The following ACTN2 variants were observed in gnomAD, a reference collection of about 807,000 sequenced individuals.
ACTN2 encodes actinin alpha 2, also known as alpha-actinin-2.
Under a neutral mutation model 113.8 loss-of-function variants are expected in ACTN2, and 39 were observed. The observed-to-expected ratio is 0.34, with a 90% CI of 0.27 to 0.45. The LOEUF is 0.45. Ranked by LOEUF, ACTN2 falls within the 20% of genes least tolerant of loss-of-function variation. The probability of loss-of-function intolerance (pLI) is 1.00; values close to 1 mark genes in which losing one functional copy is unlikely to be tolerated. For synonymous variants in ACTN2, 429 were observed against 444.1 expected, an observed-to-expected ratio of 0.97 and a Z score of 0.43; for missense variants, 992 against 1,177.9, an observed-to-expected ratio of 0.84 and a Z score of 2.31.
rs1157321073 is a variant in ACTN2 at position 236,695,208 on chromosome 1, A to G, written c.126+8409A>G. Among the ~76,000 whole-genome samples, 3 of 105,498 alleles carry G rather than the reference A, an allele frequency of 2.8e-5. No homozygotes were observed. The East Asian group carries it at 9.7e-4, about 34-fold the overall frequency. 69.2% of individuals were successfully genotyped at this position (105,498 alleles called of 152,430 possible). Reference sequence around the variant, plus strand: ...ACGGCGAAACCCAGTCTCTACTAAAAATACAAAAAAAAAAAAAAAATTAGC... The same window carrying G: ...ACGGCGAAACCCAGTCTCTACTAAAGATACAAAAAAAAAAAAAAAATTAGC... On this transcript the variant is annotated intron_variant, in intron 1 of 20. Transcript: ENST00000366578.
chr1:236,731,146 C>A, intron 6 of ACTN2, 87 bp from the exon 7 acceptor site: 1 of 1,008,148 alleles, frequency 9.9e-7, no homozygotes, highest in Non-Finnish European at 1.6e-6. Flanking sequence ...AGGTGTCCGG[C>A]CTAAAGTGAG....
At chr1:236,757,762 A>C in intron 18 of ACTN2, 130 bp downstream of exon 18, 1 of 1,279,846 alleles carries the variant, frequency 7.8e-7, no homozygotes. Flanking sequence ...AGTTAATGAC[A>C]AAAGAAAATA....
intron 10 of ACTN2, 131 bp downstream of exon 10, chr1:236,739,663 C>G: frequency 9.2e-7 from 1 of 1,082,612 alleles, no homozygotes; most frequent in Non-Finnish European, 1.4e-6. Context: ...CATTTTGGCC[C>G]TGTAACCACT....
intron 1 of ACTN2, among the ~76,000 whole-genome samples, chr1:236,692,059 T>C (rs1476608274): frequency 6.6e-6 from 1 of 152,160 alleles, no homozygotes; most frequent in Non-Finnish European, 1.5e-5. Context: ...GTATTGTTGG[T>C]GAGATAAATC....
At chr1:236,712,539 G>C (rs1188458529) in intron 1 of ACTN2, among the ~76,000 whole-genome samples, 1 of 152,108 alleles carries the variant, frequency 6.6e-6, no homozygotes, top group East Asian at 1.9e-4. Flanking sequence ...TCTATAAAAA[G>C]GTAATATCAA....
intron 1 of ACTN2, among the ~76,000 whole-genome samples, chr1:236,702,098 G>A (rs1000142016): frequency 6.6e-6 from 1 of 152,216 alleles, no homozygotes; most frequent in African/African-American, 2.4e-5. Flanking sequence ...ATTTTAAAAT[G>A]TGATATCAAA....
At chr1:236,755,323 G>C in intron 17 of ACTN2, 125 bp downstream of exon 17, 1 of 1,126,376 alleles carries the variant, frequency 8.9e-7, no homozygotes, top group South Asian at 1.3e-5. Context: ...TGAAAGTTAG[G>C]GATCTTTAAG....
chr1:236,720,845 A>G (rs979427174), intron 4 of ACTN2, among the ~76,000 whole-genome samples: 4 of 151,900 alleles, frequency 2.6e-5, no homozygotes, highest in Admixed American at 2.0e-4. Context: ...TTGGCCCTCA[A>G]ATCACAAAGT....
chr1:236,732,425 C>A (rs28367304), intron 7 of ACTN2, among the ~76,000 whole-genome samples: 10 of 145,688 alleles, frequency 6.9e-5, no homozygotes, highest in Non-Finnish European at 1.1e-4. Flanking sequence ...TTTTCTTTTT[C>A]TTTTTATTTT....
rs762095615 is a variant in ACTN2 at position 236,718,931 on chromosome 1, G to T, written c.279G>T (p.Arg93=). Residue 93 remains arginine (R), a synonymous_variant, in exon 3 of 21, where the codon CGG becomes CGT. Transcript: ENST00000366578. Reference sequence around the variant, plus strand: ...CCAAACCTGACCGGGGAAAAATGCGGTTCCACAAAATTGCTAATGTCAACA... The same window carrying T: ...CCAAACCTGACCGGGGAAAAATGCGTTTCCACAAAATTGCTAATGTCAACA... ...RLPKPDRGKM[R]FHKIANVNKA... The T allele has an allele frequency of 1.2e-6, 2 of 1,614,172 alleles. No individual in the cohort carries two copies. The highest frequency in any genetic ancestry group is 1.1e-5 in the South Asian group (1 of 91,084).
At chr1:236,713,216 G>C (rs1241731597) in intron 1 of ACTN2, among the ~76,000 whole-genome samples, 1 of 145,186 alleles carries the variant, frequency 6.9e-6, no homozygotes, top group Non-Finnish European at 1.5e-5. Flanking sequence ...TATATATATT[G>C]TTCTTTTTTC....
rs747619682 is a variant in ACTN2, at chr1:236,749,110, T to C, written c.1516-14T>C. ...ATTAGTCTATGATAATGCTTGCTTC[T>C]CTTTATTCTTTAGAGAATGGAGAAA... is the stretch of plus-strand genomic sequence containing the variant. On this transcript the variant is annotated splice_polypyrimidine_tract_variant and intron_variant, in intron 13 of 20. Coordinates refer to ENST00000366578, the MANE Select transcript of ACTN2 (RefSeq NM_001103.4). 6.2e-7 allele frequency: 1 copy of C among 1,614,052 alleles called. No homozygotes were observed.
In ACTN2 at chr1:236,754,092, G is replaced by A. The variant is rs567601447; in HGVS notation, c.1974+11G>A. 9.9e-6 allele frequency: 16 copies of A among 1,613,344 alleles called. No homozygotes were observed. The highest frequency in any genetic ancestry group is 4.0e-5 in the African/African-American group (3 of 75,076). ...CAGAACAAGATGGAGGTAAGCCAGC[G>A]CCCTCCCAGGCGCTGTTCACAAGCC... On this transcript the variant is annotated intron_variant, in intron 16 of 20. Coordinates refer to ENST00000366578, the MANE Select transcript of ACTN2 (RefSeq NM_001103.4). This position sits in a 1 kb window ranked among gnomAD's most constrained non-coding sequence, Gnocchi z 4.9.
At chr1:236,696,928 C>G (rs1342965883) in intron 1 of ACTN2, among the ~76,000 whole-genome samples, 1 of 152,072 alleles carries the variant, frequency 6.6e-6, no homozygotes, top group African/African-American at 2.4e-5. Context: ...TCCCAAAGTG[C>G]TGGGATTACA....
intron 12 of ACTN2, 68 bp from the exon 13 acceptor site, chr1:236,747,595 CTTTT>C: frequency 7.3e-7 from 1 of 1,360,696 alleles, no homozygotes; most frequent in South Asian, 1.2e-5. Flanking sequence ...TGTTATTTTT[CTTTT>C]TTAGCCCATG....
rs368864204 is a variant in ACTN2 at position 236,694,379 on chromosome 1, C to T, written c.126+7580C>T. 6.8e-4 allele frequency among the ~76,000 whole-genome samples: 103 copies of T among 152,084 alleles called. No homozygotes were observed. In the East Asian group the frequency reaches 0.014, roughly 21 times the overall value. On this transcript the variant is annotated intron_variant, in intron 1 of 20. Transcript: ENST00000366578. ...CTGGGATTACAGGCATTTGCCACCA[C>T]GCCCGGCTAATTTTTTTATTTTTAG...
At chr1:236,703,431 A>AC (rs1296232845) in intron 1 of ACTN2, among the ~76,000 whole-genome samples, 1 of 111,256 alleles carries the variant, frequency 9.0e-6, no homozygotes, top group East Asian at 2.5e-4. Flanking sequence ...TGGGCCTACT[A>AC]CCTTTTTTTT....
At chr1:236,747,197 C>G (rs1659262954) in intron 12 of ACTN2, among the ~76,000 whole-genome samples, 1 of 152,236 alleles carries the variant, frequency 6.6e-6, no homozygotes, top group South Asian at 2.1e-4. Flanking sequence ...GACAACGGTT[C>G]TCTCTGTTTA....
rs1659488919 is a variant in ACTN2 at position 236,754,308 on chromosome 1, G to C, written c.1974+227G>C. Reference sequence around the variant, plus strand: ...GGAAGGCGGCACTCAAGGAAGGGGAGGGGGGTCTTGCTGGGTTCTGTTTAT... The same window carrying C: ...GGAAGGCGGCACTCAAGGAAGGGGACGGGGGTCTTGCTGGGTTCTGTTTAT... On this transcript the variant is annotated intron_variant, in intron 16 of 20. Coordinates refer to ENST00000366578, the MANE Select transcript of ACTN2 (RefSeq NM_001103.4). The surrounding 1 kb of genome is among the most constrained non-coding windows in gnomAD (Gnocchi z 4.9). 6.6e-6 allele frequency among the ~76,000 whole-genome samples: 1 copy of C among 152,208 alleles called. No individual in the cohort carries two copies. The highest frequency in any genetic ancestry group is 1.5e-5 in the Non-Finnish European group (1 of 68,042).
Sources: gnomAD v4.1 joint callset for allele counts (sites outside exome capture counted in the v4.1 genomes callset) on GRCh38, gnomAD v4.1.1 for gene constraint, Gnocchi (gnomAD v3.1) non-coding constraint, MANE v1.5 for transcripts, NCBI Gene and HGNC (gene_info 2026-07-23, HGNC 2026-07-21) for gene names.